The following ASAP1 variants were observed in gnomAD, a reference collection of about 807,000 sequenced individuals.
ASAP1 encodes the protein arf-GAP with SH3 domain, ANK repeat and PH domain-containing protein 1.
Under a neutral mutation model 145.2 loss-of-function variants are expected in ASAP1, and 43 were observed. That is an observed-to-expected ratio of 0.30 (90% CI 0.23 to 0.38). ASAP1 has a LOEUF of 0.38. Ranked by LOEUF, ASAP1 falls within the 10% of genes least tolerant of loss-of-function variation. The pLI, the probability that ASAP1 is intolerant of heterozygous loss-of-function variation, is 1.00. For missense variants in ASAP1, 1,018 were observed against 1,355.3 expected, an observed-to-expected ratio of 0.75 and a Z score of 3.91; for synonymous variants, 546 against 515.5, an observed-to-expected ratio of 1.06 and a Z score of -0.80.
chr8:130,065,352 G>A (rs780949982), intron 27 of ASAP1, among the ~76,000 whole-genome samples: 1 of 152,144 alleles, frequency 6.6e-6, no homozygotes, highest in Non-Finnish European at 1.5e-5. Flanking sequence ...TGGCCTCCAC[G>A]GGTTTAGCTT....
chr8:130,146,864 A>G (rs2097632164), intron 13 of ASAP1, among the ~76,000 whole-genome samples: 1 of 152,220 alleles, frequency 6.6e-6, no homozygotes. Context: ...TTAAATTTCT[A>G]TGAAAGAAGA....
At chr8:130,301,780 T>A (rs527441533) in intron 3 of ASAP1, among the ~76,000 whole-genome samples, 1 of 152,254 alleles carries the variant, frequency 6.6e-6, no homozygotes, top group African/African-American at 2.4e-5. Flanking sequence ...TGTCTTTCCA[T>A]GTCAACAGAT....
At chr8:130,364,121 C>A (rs1826842359) in intron 2 of ASAP1, among the ~76,000 whole-genome samples, 2 of 152,094 alleles carry the variant, frequency 1.3e-5, no homozygotes, top group African/African-American at 2.4e-5. Flanking sequence ...ATACTCCAAG[C>A]AAAACCACTA....
At chr8:130,262,165 A>AGTGG (rs1344529967) in intron 3 of ASAP1, among the ~76,000 whole-genome samples, 1 of 151,634 alleles carries the variant, frequency 6.6e-6, no homozygotes, top group Non-Finnish European at 1.5e-5. Flanking sequence ...AGGAGGCCAA[A>AGTGG]GTGGGTGGAT....
At chr8:130,331,891 A>T (rs1824716418) in intron 3 of ASAP1, among the ~76,000 whole-genome samples, 1 of 152,180 alleles carries the variant, frequency 6.6e-6, no homozygotes, top group Admixed American at 6.5e-5. Flanking sequence ...CTGAGGCCCA[A>T]ACCCAGAGAA....
chr8:130,320,387 C>T (rs1447618047), intron 3 of ASAP1, among the ~76,000 whole-genome samples: 2 of 152,058 alleles, frequency 1.3e-5, no homozygotes, highest in African/African-American at 4.8e-5. Context: ...AAAACCCCAT[C>T]TCTATAAAAA....
chr8:130,240,478 A>T (rs1385931037), intron 3 of ASAP1, among the ~76,000 whole-genome samples: 1 of 152,170 alleles, frequency 6.6e-6, no homozygotes, highest in Non-Finnish European at 1.5e-5. Flanking sequence ...CATAAATGCC[A>T]AACAACAACT....
At chr8:130,184,618 T>C (rs929540995) in intron 7 of ASAP1, among the ~76,000 whole-genome samples, 2 of 152,236 alleles carry the variant, frequency 1.3e-5, no homozygotes, top group Admixed American at 6.5e-5. Context: ...GAATGCTCTG[T>C]TCTATGATAA....
intron 3 of ASAP1, among the ~76,000 whole-genome samples, chr8:130,333,685 C>T (rs1477023683): frequency 6.6e-6 from 1 of 152,190 alleles, no homozygotes; most frequent in African/African-American, 2.4e-5. Context: ...ATATTGCCAT[C>T]ATGAAACAGA....
rs1444959049 is a variant in ASAP1, at chr8:130,053,808, GAAAC to G, written c.*919_*922del. On this transcript the variant is annotated 3_prime_UTR_variant, in exon 30 of 30. Transcript: ENST00000518721. The stretch of plus-strand genomic sequence containing the variant: ...ATACTCTTGAGAAAGCCAGTGATTA[GAAAC>G]AAATATTGTTGCAACCTTATAATTT... 6.6e-6 allele frequency: 1 copy of G among 152,234 alleles called. No homozygotes were observed. The highest frequency in any genetic ancestry group is 1.9e-4 in the East Asian group (1 of 5,204). The allele number at this position is 152,234 out of a possible 1,614,324, so 9.4% of individuals were successfully genotyped here.
intron 3 of ASAP1, among the ~76,000 whole-genome samples, chr8:130,276,729 C>CA (rs1554867232): frequency 2.6e-5 from 1 of 38,674 alleles, no homozygotes; most frequent in Admixed American, 3.4e-4. Flanking sequence ...CACACACACA[C>CA]TCTCTCTCTC....
At chr8:130,399,882 C>T (rs1828703004) in intron 2 of ASAP1, among the ~76,000 whole-genome samples, 1 of 145,864 alleles carries the variant, frequency 6.9e-6, no homozygotes. Flanking sequence ...TACAATGGCG[C>T]AATCTCGGCT....
chr8:130,222,184 G>A (rs1285241889), intron 4 of ASAP1, among the ~76,000 whole-genome samples: 1 of 152,152 alleles, frequency 6.6e-6, no homozygotes, highest in African/African-American at 2.4e-5. Context: ...TTCATCCAAT[G>A]AGGCCTTCCT....
At chr8:130,075,862 G>C (rs769581455) in intron 27 of ASAP1, among the ~76,000 whole-genome samples, 1 of 152,196 alleles carries the variant, frequency 6.6e-6, no homozygotes. Flanking sequence ...TGCCATCCTA[G>C]GGAAGGATTC....
intron 3 of ASAP1, among the ~76,000 whole-genome samples, chr8:130,349,496 A>G (rs1825875962): frequency 6.6e-6 from 1 of 152,212 alleles, no homozygotes; most frequent in Non-Finnish European, 1.5e-5. Flanking sequence ...ATACTGACTC[A>G]CTGAGAGGTA....
intron 27 of ASAP1, among the ~76,000 whole-genome samples, chr8:130,074,972 T>C (rs1432623172): frequency 1.3e-5 from 2 of 152,056 alleles, no homozygotes; most frequent in African/African-American, 4.8e-5. Context: ...GCTGACGCCA[T>C]GCTGCGAGGG....
At chr8:130,244,076 G>C (rs1818704451) in intron 3 of ASAP1, among the ~76,000 whole-genome samples, 2 of 152,068 alleles carry the variant, frequency 1.3e-5, no homozygotes. Flanking sequence ...GATCTGGCTG[G>C]AGGGCCGAAT....
At chr8:130,167,797 G>A (rs1386677701) in intron 10 of ASAP1, among the ~76,000 whole-genome samples, 175 bp from the exon 11 acceptor site, 3 of 152,086 alleles carry the variant, frequency 2.0e-5, no homozygotes, top group Non-Finnish European at 4.4e-5. Flanking sequence ...AAGCAGCAGT[G>A]GGTTTTGAAA....
At chr8:130,119,113 T>C (rs1002941037) in intron 18 of ASAP1, among the ~76,000 whole-genome samples, 1 of 152,254 alleles carries the variant, frequency 6.6e-6, no homozygotes, top group African/African-American at 2.4e-5. Flanking sequence ...TTATTTATTT[T>C]GTAAAATTTT....
Sources: allele counts gnomAD v4.1 joint callset (sites outside exome capture counted in the v4.1 genomes callset), GRCh38; gene constraint gnomAD v4.1.1; transcripts MANE v1.5; gene names NCBI Gene and HGNC (gene_info 2026-07-23, HGNC 2026-07-21).